The following CSMD3 variants were observed in gnomAD, a reference collection of about 807,000 sequenced individuals.
CSMD3 encodes the protein CUB and sushi domain-containing protein 3.
CSMD3 carries 177 observed loss-of-function variants against 435.2 expected under a neutral mutation model. That is an observed-to-expected ratio of 0.41 (90% CI 0.36 to 0.46). The LOEUF (loss-of-function observed/expected upper bound fraction) is 0.46. Ranked by LOEUF, CSMD3 falls within the 20% of genes least tolerant of loss-of-function variation. The probability of loss-of-function intolerance (pLI) is 0.34; values close to 1 mark genes in which losing one functional copy is unlikely to be tolerated. For missense variants in CSMD3, 4,265 were observed against 4,504.6 expected, an observed-to-expected ratio of 0.95 and a Z score of 1.52; for synonymous variants, 1,656 against 1,520.5, an observed-to-expected ratio of 1.09 and a Z score of -2.07.
At chr8:113,236,021 A>C (rs2132216348) in intron 3 of CSMD3, among the ~76,000 whole-genome samples, 1 of 152,274 alleles carries the variant, frequency 6.6e-6, no homozygotes, top group Non-Finnish European at 1.5e-5. Flanking sequence ...ACAAATTCCA[A>C]CATTTGGGGG....
intron 34 of CSMD3, 151 bp downstream of exon 34, chr8:112,408,166 AG>A (rs554090271): frequency 2.7e-5 from 18 of 658,362 alleles, no homozygotes; most frequent in South Asian, 2.7e-4. Flanking sequence ...ACTTTGGTCA[AG>A]GTGACAGTGA....
chr8:113,295,483 T>C lies in CSMD3; in HGVS notation c.402-16779A>G, dbSNP rs143989709. On this transcript the variant is annotated intron_variant, in intron 2 of 70. Coordinates refer to ENST00000297405, the MANE Select transcript of CSMD3 (RefSeq NM_198123.2). Reference sequence around the variant, plus strand: ...AACATTAACATAAAAAATAATACTGTTTTAAAATATTAGCTATCTAAAGGT... The same window carrying C: ...AACATTAACATAAAAAATAATACTGCTTTAAAATATTAGCTATCTAAAGGT... Among the ~76,000 whole-genome samples the C allele has an allele frequency of 2.9e-3, 434 of 152,276 alleles. 3 individuals are homozygous for C. The highest frequency in any genetic ancestry group is 9.7e-3 in the African/African-American group (404 of 41,558).
chr8:112,925,625 A>G (rs1043135975), intron 9 of CSMD3, among the ~76,000 whole-genome samples: 3 of 152,182 alleles, frequency 2.0e-5, no homozygotes, highest in Non-Finnish European at 4.4e-5. Flanking sequence ...AATTGCTACA[A>G]TGATTTAGGG....
chr8:112,735,748 C>G (rs779367235), intron 13 of CSMD3, among the ~76,000 whole-genome samples: 40 of 151,980 alleles, frequency 2.6e-4, no homozygotes, highest in Non-Finnish European at 1.3e-4. Flanking sequence ...CAACGTCATT[C>G]TCATATTGAT....
intron 31 of CSMD3, among the ~76,000 whole-genome samples, chr8:112,482,362 C>T (rs991809556): frequency 6.6e-6 from 1 of 152,136 alleles, no homozygotes; most frequent in East Asian, 1.9e-4. Context: ...TCATTTTGTA[C>T]CCCAATTAAA....
chr8:113,067,628 G>A (rs955324293), intron 5 of CSMD3, among the ~76,000 whole-genome samples: 1 of 152,072 alleles, frequency 6.6e-6, no homozygotes, highest in Non-Finnish European at 1.5e-5. Flanking sequence ...CACAGGTTCA[G>A]ACAAATTGGA....
chr8:113,059,681 C>T (rs1325235395), intron 5 of CSMD3, among the ~76,000 whole-genome samples: 1 of 152,068 alleles, frequency 6.6e-6, no homozygotes, highest in Non-Finnish European at 1.5e-5. Context: ...TGCTAATTAG[C>T]TTAAGTTTCA....
chr8:112,899,808 C>CAT (rs35343113), intron 10 of CSMD3, among the ~76,000 whole-genome samples: 2,580 of 143,804 alleles, frequency 0.018, 38 homozygotes, highest in African/African-American at 0.03. Flanking sequence ...CAACCAGTGT[C>CAT]ATATATATAT....
At chr8:113,034,548 G>C (rs555096864) in intron 5 of CSMD3, among the ~76,000 whole-genome samples, 2 of 152,204 alleles carry the variant, frequency 1.3e-5, no homozygotes, top group Non-Finnish European at 1.5e-5. Context: ...GGTGGAGATG[G>C]GGAGTTACTG....
intron 32 of CSMD3, among the ~76,000 whole-genome samples, chr8:112,428,887 T>C (rs1813362770): frequency 6.6e-6 from 1 of 151,440 alleles, no homozygotes; most frequent in East Asian, 1.9e-4. Flanking sequence ...TGTCTTTAGT[T>C]TTTTCTTTTT....
chr8:112,295,923 G>C lies in CSMD3; in HGVS notation c.8524C>G (p.Gln2842Glu), dbSNP rs768611514. ...NYGYRDTVVY[Q>E]CNPGFRLIGS... ...ATCAATCGAAAACCAGGATTACATT[G>C]ATATACAACTGTGTCTCTATATCCA... The change falls in exon 54 of 71, where the codon CAA (glutamine) becomes GAA (glutamate). Residue 2842 changes from glutamine (Q) to glutamate (E), a missense_variant. Gln to Glu is a conservative substitution (Grantham distance 29, BLOSUM62 2). This residue lies in a region of CSMD3 where 3,255 missense variants were observed against 3,380.2 expected (regional missense o/e 0.96). Coordinates refer to ENST00000297405, the MANE Select transcript of CSMD3 (RefSeq NM_198123.2). 6.2e-7 allele frequency: 1 copy of C among 1,613,442 alleles called. No homozygotes were observed.
Position 112,287,082 on chromosome 8 carries a change from TTC to T in CSMD3, c.9311_9312del (p.Gly3104GlufsTer12). On this transcript the variant is annotated frameshift_variant, in exon 58 of 71. Transcript: ENST00000297405. LOFTEE classifies it high-confidence loss of function. ...RTCLANGSWT[G>X]RQPECKAVQC... ...AGATTACCTTTGCACTCTGGCTGCC[TTC>T]CGGTCCAACTGCCATTAGCTAAACA... 6.2e-7 allele frequency: 1 copy of T among 1,613,606 alleles called. No homozygotes were observed. The highest frequency in any genetic ancestry group is 2.2e-5 in the East Asian group (1 of 44,848).
At chr8:112,785,160 C>T (rs2078505259) in intron 13 of CSMD3, among the ~76,000 whole-genome samples, 2 of 151,824 alleles carry the variant, frequency 1.3e-5, no homozygotes, top group African/African-American at 4.8e-5. Flanking sequence ...AAGAACAAAT[C>T]TATATAGTTA....
At chr8:112,813,912 G>T (rs950728768) in intron 12 of CSMD3, among the ~76,000 whole-genome samples, 1 of 152,188 alleles carries the variant, frequency 6.6e-6, no homozygotes, top group Non-Finnish European at 1.5e-5. Context: ...GAAAGGCCAG[G>T]CTCCACCCCC....
chr8:112,679,499 A>T (rs1290186998), intron 16 of CSMD3, among the ~76,000 whole-genome samples: 1 of 152,172 alleles, frequency 6.6e-6, no homozygotes, highest in Non-Finnish European at 1.5e-5. Context: ...CAGAAACTTC[A>T]TAAGGGTTCT....
At chr8:113,270,325 A>G (rs1270587025) in intron 3 of CSMD3, among the ~76,000 whole-genome samples, 2 of 148,482 alleles carry the variant, frequency 1.3e-5, no homozygotes, top group Non-Finnish European at 3.0e-5. Flanking sequence ...TCGGGAAACA[A>G]CAGGTGCTGG....
intron 13 of CSMD3, among the ~76,000 whole-genome samples, chr8:112,756,093 A>C (rs1219624823): frequency 6.6e-6 from 1 of 152,058 alleles, no homozygotes; most frequent in Non-Finnish European, 1.5e-5. Context: ...GGGGATTAGA[A>C]ACAAATATCG....
chr8:113,046,273 A>G (rs2087826443), intron 5 of CSMD3, among the ~76,000 whole-genome samples: 1 of 149,398 alleles, frequency 6.7e-6, no homozygotes, highest in South Asian at 2.1e-4. Context: ...AGCCACGGGG[A>G]AAGGAAAAGC....
At chr8:113,411,160 G>A (rs140010014) in intron 1 of CSMD3, among the ~76,000 whole-genome samples, 248 of 152,066 alleles carry the variant, frequency 1.6e-3, no homozygotes, top group African/African-American at 5.0e-3. Flanking sequence ...ACAGTTACAC[G>A]TGTAATCATT....
Sources: gnomAD v4.1 joint callset for allele counts (sites outside exome capture counted in the v4.1 genomes callset) on GRCh38, gnomAD v4.1.1 for gene constraint, gnomAD v4.1.1 regional missense constraint, MANE v1.5 for transcripts, NCBI Gene and HGNC (gene_info 2026-07-23, HGNC 2026-07-21) for gene names.